ZNF532: variants seen among roughly 807,000 people sequenced by gnomAD.
ZNF532 encodes zinc finger protein 532.
A neutral mutation model predicts 89.3 loss-of-function variants in ZNF532; 22 were observed. The ratio of observed to expected loss-of-function variants is 0.25; its 90% confidence interval spans 0.18 to 0.35. The LOEUF (loss-of-function observed/expected upper bound fraction) is 0.35, where lower values mean the gene tolerates loss of function less well. ZNF532 is among the 10% of genes least tolerant of loss of function. ZNF532 has a pLI of 1.00. For synonymous variants in ZNF532, 606 were observed against 649.6 expected (o/e 0.93, Z 1.02); for missense variants, 1,132 against 1,643.4 (o/e 0.69, Z 5.38).
chr18:58,925,716 TC>T (rs2061467481), intron 3 of ZNF532, among the ~76,000 whole-genome samples: 1 of 152,258 alleles, frequency 6.6e-6, no homozygotes, highest in South Asian at 2.1e-4. Flanking sequence ...TGTGTTTTTT[TC>T]CTCAACGTTT....
chr18:58,933,536 G>A (rs1282811808), intron 3 of ZNF532, among the ~76,000 whole-genome samples: 2 of 152,184 alleles, frequency 1.3e-5, no homozygotes, highest in East Asian at 3.8e-4. Context: ...ATTTGTGTTT[G>A]CACGAATGTC....
chr18:58,944,815 T>G lies in ZNF532; in HGVS notation c.2706-3252T>G, dbSNP rs182069076. Among the ~76,000 whole-genome samples the G allele has an allele frequency of 2.6e-5, 4 of 152,366 alleles. 1 individual carries two copies. Among genetic ancestry groups the G allele is most frequent in the African/African-American group, 9.6e-5 (4 of 41,588 alleles). On this transcript the variant is annotated intron_variant, in intron 5 of 9. Coordinates refer to ENST00000591808, the MANE Select transcript of ZNF532 (RefSeq NM_001375912.1). ...GCTGGAAGAACATGGAGAGAACGCATGCATCTTTGCATCTTTTTCCCCCAG... is the reference window on the plus strand; with the variant it reads ...GCTGGAAGAACATGGAGAGAACGCAGGCATCTTTGCATCTTTTTCCCCCAG...
chr18:58,920,741 TG>T (rs2060988195), intron 3 of ZNF532, 108 bp downstream of exon 3: 1 of 19,484 alleles, frequency 5.1e-5, no homozygotes, highest in South Asian at 2.8e-3. Flanking sequence ...TGGACGTGTG[TG>T]TGTGTGTGTG....
intron 6 of ZNF532, among the ~76,000 whole-genome samples, chr18:58,951,287 G>A (rs967851244): frequency 3.9e-5 from 6 of 152,152 alleles, no homozygotes; most frequent in Admixed American, 2.6e-4. Flanking sequence ...TTTACTTGCA[G>A]TGTAACTTGT....
chr18:58,919,578 A>G lies in ZNF532; in HGVS notation c.1291A>G (p.Asn431Asp). Reference sequence around the variant, plus strand: ...GCCTCTCCAGTCTGCGGTCGTGACCAATGCAGTTTCCCCTGCAGAGCTCAC... The same window carrying G: ...GCCTCTCCAGTCTGCGGTCGTGACCGATGCAGTTTCCCCTGCAGAGCTCAC... The part of the protein sequence containing the change: ...RAPLQSAVVT[N>D]AVSPAELTPK... The change falls in exon 3 of 10, where the codon AAT becomes GAT. Residue 431 changes from asparagine to aspartate, a missense_variant. By Grantham distance (23) the Asn-to-Asp change is conservative (BLOSUM62 1). Transcript: ENST00000591808. The surrounding 1 kb of genome is among the most constrained non-coding windows in gnomAD (Gnocchi z 6.1). 2 of 1,614,154 alleles carry G rather than the reference A, an allele frequency of 1.2e-6. No individual in the cohort carries two copies. The highest frequency in any genetic ancestry group is 1.7e-6 in the Non-Finnish European group (2 of 1,180,030).
intron 9 of ZNF532, among the ~76,000 whole-genome samples, chr18:58,982,252 C>T (rs1259531297): frequency 2.0e-5 from 3 of 152,022 alleles, no homozygotes; most frequent in East Asian, 3.9e-4. Context: ...TGCAGTAAGC[C>T]GAGATAAAGC....
chr18:58,865,071 G>A lies in ZNF532; in HGVS notation c.-442G>A, dbSNP rs892000257. 6.6e-6 allele frequency: 1 copy of A among 152,116 alleles called. No homozygotes were observed. The highest frequency in any genetic ancestry group is 2.4e-5 in the African/African-American group (1 of 41,394). 9.4% of individuals were successfully genotyped at this position (152,116 alleles called of 1,614,324 possible). On this transcript the variant is annotated 5_prime_UTR_variant, in exon 1 of 10. Coordinates refer to ENST00000591808, the MANE Select transcript of ZNF532 (RefSeq NM_001375912.1). ...GGTTTGCAGGGTCTGAGATTACTTG[G>A]GCTTTTCCTGCCTTTTTCTTTTGCT...
chr18:58,911,124 C>T (rs1238344849), intron 2 of ZNF532, among the ~76,000 whole-genome samples: 2 of 152,184 alleles, frequency 1.3e-5, no homozygotes, highest in Non-Finnish European at 2.9e-5. Context: ...GGATATGTCC[C>T]AGTACTGGAG....
At position 58,934,567 on chromosome 18, in the gene ZNF532, C is replaced by G. The variant is rs531558938; in HGVS notation, c.2481C>G (p.Thr827=). 6.2e-7 allele frequency: 1 copy of G among 1,614,132 alleles called. No individual in the cohort carries two copies. Among genetic ancestry groups the G allele is most frequent in the East Asian group, 2.2e-5 (1 of 44,892 alleles). The change falls in exon 4 of 10, where the codon ACC becomes ACG. Residue 827 remains threonine (T), a synonymous_variant. Coordinates refer to ENST00000591808, the MANE Select transcript of ZNF532 (RefSeq NM_001375912.1). Reference sequence around the variant, plus strand: ...TCTGCAGGTCGGTGCACTTCCAGACCCACGTCACCAAGAACTGTCTGCACT... The same window carrying G: ...TCTGCAGGTCGGTGCACTTCCAGACGCACGTCACCAAGAACTGTCTGCACT... ...GAICRSVHFQ[T]HVTKNCLHYT...
chr18:58,902,094 G>A (rs1415683214), intron 2 of ZNF532, among the ~76,000 whole-genome samples: 2 of 152,092 alleles, frequency 1.3e-5, no homozygotes, highest in Non-Finnish European at 1.5e-5. Context: ...CTATGGTTTG[G>A]GGTTCCTGGC....
chr18:58,888,721 ATATAAATTATATATATATATTT>A lies in ZNF532; in HGVS notation c.-18+23147_-18+23168del, dbSNP rs2058507776. The stretch of plus-strand genomic sequence containing the variant: ...ATTATATATATATATATATATATAT[ATATAAATTATATATATATATTT>A]TATATATATATAAAATTAATATATA... On this transcript the variant is annotated intron_variant, in intron 2 of 9. Coordinates refer to ENST00000591808, the MANE Select transcript of ZNF532 (RefSeq NM_001375912.1). 2.8e-4 allele frequency among the ~76,000 whole-genome samples: 11 copies of A among 38,792 alleles called. 1 individual carries two copies. In the East Asian group the frequency reaches 0.012, roughly 41 times the overall value. 25.4% of individuals were successfully genotyped at this position (38,792 alleles called of 152,430 possible).
At position 58,918,825 on chromosome 18, in the gene ZNF532, G is replaced by A. The variant is rs150148660; in HGVS notation, c.538G>A (p.Gly180Arg). The A allele has an allele frequency of 2.6e-5, 42 of 1,614,182 alleles. No homozygotes were observed. Among genetic ancestry groups the A allele is most frequent in the South Asian group, 2.1e-4 (19 of 91,088 alleles). Residue 180 changes from glycine to arginine, a missense_variant, in exon 3 of 10, where the codon GGA becomes AGA. Gly to Arg is a moderately radical substitution (Grantham distance 125). Transcript: ENST00000591808. ...QQDYDKLKAL[G>R]GENSSKTGLS... is the part of the protein sequence containing the mutation. ...GGACTACGATAAGCTGAAGGCACTC[G>A]GAGGGGAAAACTCCAGCAAAACTGG... is the stretch of plus-strand genomic sequence containing the variant.
At chr18:58,910,981 C>A (rs894967480) in intron 2 of ZNF532, among the ~76,000 whole-genome samples, 1 of 152,080 alleles carries the variant, frequency 6.6e-6, no homozygotes, top group Admixed American at 6.6e-5. Flanking sequence ...TGGGCTCAAC[C>A]AATCATCCTG....
rs147972693 is a variant in ZNF532, at chr18:58,914,247, G to C, written c.-17-4024G>C. The stretch of plus-strand genomic sequence containing the variant: ...AATAAAGTGATCATGTGACAGACCT[G>C]AGTTCTTTCAATTTCCTTTTTTGTA... On this transcript the variant is annotated intron_variant, in intron 2 of 9. Transcript: ENST00000591808. Among the ~76,000 whole-genome samples, 421 of 152,310 alleles carry C rather than the reference G, an allele frequency of 2.8e-3. 3 individuals carry two copies. Among genetic ancestry groups the C allele is most frequent in the African/African-American group, 9.7e-3 (405 of 41,560 alleles).
intron 2 of ZNF532, chr18:58,896,634 C>T (rs1312321863): frequency 1.3e-5 from 2 of 152,430 alleles, no homozygotes; most frequent in African/African-American, 4.8e-5. Flanking sequence ...TATAACAATA[C>T]AGCTTTTTTA....
chr18:58,892,579 G>A (rs2058974096), intron 2 of ZNF532, among the ~76,000 whole-genome samples: 1 of 152,194 alleles, frequency 6.6e-6, no homozygotes, highest in African/African-American at 2.4e-5. Flanking sequence ...TTGGCAAAGA[G>A]CACGTAATAC....
In ZNF532 at chr18:58,953,770, A is replaced by T; in HGVS notation, c.3121A>T (p.Ile1041Leu). 1 of 1,613,596 alleles carries T rather than the reference A, an allele frequency of 6.2e-7. No individual in the cohort carries two copies. The highest frequency in any genetic ancestry group is 1.1e-5 in the South Asian group (1 of 91,044). ...DCLFMQRDVY[I>L]SHVRKEHGKQ... ...CCTGTTCATGCAGAGAGATGTGTACATATCCCACGTGAGGAAGGAGCACGG... is the reference window on the plus strand; with the variant it reads ...CCTGTTCATGCAGAGAGATGTGTACTTATCCCACGTGAGGAAGGAGCACGG... Residue 1041 changes from isoleucine to leucine, a missense_variant, in exon 7 of 10, where the codon ATA becomes TTA. Around this residue, in one of 9 missense-constraint regions of ZNF532, gnomAD observed 415 missense variants for 604.8 expected, o/e 0.69. Coordinates refer to ENST00000591808, the MANE Select transcript of ZNF532 (RefSeq NM_001375912.1).
intron 5 of ZNF532, 159 bp downstream of exon 5, chr18:58,939,780 A>G (rs771157656): frequency 5.5e-5 from 31 of 558,714 alleles, no homozygotes; most frequent in Non-Finnish European, 8.5e-5. Flanking sequence ...AGCTCATCCA[A>G]ATCTTTCTGT....
chr18:58,941,963 T>TCTCTCCCTCCCTCC (rs369236483), intron 5 of ZNF532, among the ~76,000 whole-genome samples: 1 of 106,582 alleles, frequency 9.4e-6, no homozygotes, highest in Non-Finnish European at 2.0e-5. Context: ...TCCCTCCCTC[T>TCTCTCCCTCCCTCC]CTCCCTCCCT....
Sources: allele counts gnomAD v4.1 joint callset (sites outside exome capture counted in the v4.1 genomes callset), GRCh38; gene constraint gnomAD v4.1.1; regional missense constraint gnomAD v4.1.1; non-coding constraint Gnocchi (gnomAD v3.1); transcripts MANE v1.5; gene names NCBI Gene and HGNC (gene_info 2026-07-23, HGNC 2026-07-21).